Variants in PCDHGB2 observed in about 807,000 individuals in gnomAD.
PCDHGB2 encodes protocadherin gamma-B2.
PCDHGB2 carries 55 observed loss-of-function variants against 59.3 expected under a neutral mutation model. The ratio of observed to expected loss-of-function variants is 0.93; its 90% CI spans 0.75 to 1.16. The LOEUF is 1.16. Among genes scored for constraint, PCDHGB2 ranks in the 50% most tolerant of loss-of-function variants. The pLI, the probability that PCDHGB2 is intolerant of heterozygous loss-of-function variation, is 0.00. For synonymous variants in PCDHGB2, 516 were observed against 512.0 expected, an observed-to-expected ratio of 1.01 and a Z score of -0.11; for missense variants, 1,228 against 1,198.5, an observed-to-expected ratio of 1.02 and a Z score of -0.36.
At chr5:141,404,446 G>A (rs1211285523) in intron 1 of PCDHGB2, 2 of 1,612,974 alleles carry the variant, frequency 1.2e-6, no homozygotes, top group East Asian at 2.2e-5. Context: ...CCATCCAAGG[G>A]TCTCCTCTCT....
intron 1 of PCDHGB2, among the ~76,000 whole-genome samples, chr5:141,492,148 G>C (rs2099737507): frequency 6.6e-6 from 1 of 152,202 alleles, no homozygotes; most frequent in Admixed American, 6.5e-5. Flanking sequence ...TGACTTCACT[G>C]TTACCCTCCC....
At chr5:141,389,806 T>C in intron 1 of PCDHGB2, 3 of 1,613,810 alleles carry the variant, frequency 1.9e-6, no homozygotes, top group Non-Finnish European at 2.5e-6. Flanking sequence ...CAGCGCCTTC[T>C]GGTCGCCGTG....
chr5:141,408,634 A>C, intron 1 of PCDHGB2: 2 of 1,614,040 alleles, frequency 1.2e-6, no homozygotes, highest in South Asian at 2.2e-5. Flanking sequence ...AAATTTTCGA[A>C]TCTGCATCCG....
At chr5:141,414,155 A>G in intron 1 of PCDHGB2, 1 of 1,601,706 alleles carries the variant, frequency 6.2e-7, no homozygotes, top group Non-Finnish European at 8.5e-7. Context: ...CAAGCAGAAG[A>G]TGGAGGAGCA....
chr5:141,394,312 C>G (rs903124736), intron 1 of PCDHGB2: 3 of 1,613,908 alleles, frequency 1.9e-6, no homozygotes, highest in African/African-American at 1.3e-5. Context: ...CAGGGGGCGC[C>G]CCTGTCCTCG....
intron 1 of PCDHGB2, chr5:141,366,250 G>A (rs1476743784): frequency 6.2e-7 from 1 of 1,613,746 alleles, no homozygotes; most frequent in Non-Finnish European, 8.5e-7. Flanking sequence ...CGCTCAAGCA[G>A]AGCCTCGTGG....
In PCDHGB2 at chr5:141,491,552, G is replaced by A. The variant is rs769927075; in HGVS notation, c.2422-3255G>A. 1 of 1,614,008 alleles carries A rather than the reference G, an allele frequency of 6.2e-7. No individual in the cohort carries two copies. The highest frequency in any genetic ancestry group is 1.7e-5 in the Admixed American group (1 of 60,024). On this transcript the variant is annotated intron_variant, in intron 1 of 3. Coordinates refer to ENST00000522605, the MANE Select transcript of PCDHGB2 (RefSeq NM_018923.3). This position sits in a 1 kb window ranked among gnomAD's most constrained non-coding sequence, Gnocchi z 6.9. Reference sequence around the variant, plus strand: ...ACGCTGCGGCCCACAGACTCGCAGAGCCACTGCTACAGGACGTGCTTTTCA... The same window carrying A: ...ACGCTGCGGCCCACAGACTCGCAGAACCACTGCTACAGGACGTGCTTTTCA...
chr5:141,432,209 A>C lies in PCDHGB2; in HGVS notation c.2422-62598A>C, dbSNP rs1473794319. ...CGCCCACGACCCCGACTGTGAAGAGAACGCCCAGATCACTTATTCCCTGGC... is the reference window on the plus strand; with the variant it reads ...CGCCCACGACCCCGACTGTGAAGAGCACGCCCAGATCACTTATTCCCTGGC... On this transcript the variant is annotated intron_variant, in intron 1 of 3. Transcript: ENST00000522605. This position sits in a 1 kb window ranked among gnomAD's most constrained non-coding sequence, Gnocchi z 6.0. 2 of 1,614,098 alleles carry C rather than the reference A, an allele frequency of 1.2e-6. No homozygotes were observed. Among genetic ancestry groups the C allele is most frequent in the Non-Finnish European group, 8.5e-7 (1 of 1,180,032 alleles).
chr5:141,462,811 T>C (rs893444929), intron 1 of PCDHGB2, among the ~76,000 whole-genome samples: 1 of 152,206 alleles, frequency 6.6e-6, no homozygotes, highest in Non-Finnish European at 1.5e-5. Context: ...ATAATGTTTT[T>C]ATTGGACAGC....
At chr5:141,436,778 G>A (rs2097846346) in intron 1 of PCDHGB2, among the ~76,000 whole-genome samples, 1 of 152,154 alleles carries the variant, frequency 6.6e-6, no homozygotes, top group African/African-American at 2.4e-5. Flanking sequence ...ATTTGTGGAT[G>A]GAAATAAAAC....
chr5:141,372,239 G>A lies in PCDHGB2; in HGVS notation c.2421+9683G>A, dbSNP rs771921907. The A allele has an allele frequency of 2.5e-6, 4 of 1,613,314 alleles. No homozygotes were observed. The Admixed American group carries it at 6.7e-5, about 27-fold the overall frequency. ...ACATTGTGCAGGCCAGCGAGCCCGGGCTGTTCAGCCTGGGCCTGCGCACGG... is the reference window on the plus strand; with the variant it reads ...ACATTGTGCAGGCCAGCGAGCCCGGACTGTTCAGCCTGGGCCTGCGCACGG... On this transcript the variant is annotated intron_variant, in intron 1 of 3. Coordinates refer to ENST00000522605, the MANE Select transcript of PCDHGB2 (RefSeq NM_018923.3).
At chr5:141,362,666 G>T in intron 1 of PCDHGB2, 110 bp downstream of exon 1, 1 of 1,321,002 alleles carries the variant, frequency 7.6e-7, no homozygotes, top group South Asian at 1.5e-5. Flanking sequence ...GGCCAATGTT[G>T]TGCCTTAATT....
chr5:141,420,277 A>C, intron 1 of PCDHGB2: 1 of 1,518,166 alleles, frequency 6.6e-7, no homozygotes, highest in Non-Finnish European at 8.9e-7. Flanking sequence ...TTAAACAGGT[A>C]AGTATTTAAA....
At chr5:141,386,956 G>A (rs1561613070) in intron 1 of PCDHGB2, among the ~76,000 whole-genome samples, 1 of 152,208 alleles carries the variant, frequency 6.6e-6, no homozygotes, top group Non-Finnish European at 1.5e-5. Context: ...CTTCAGTGCA[G>A]CAGATCTCAG....
intron 1 of PCDHGB2, among the ~76,000 whole-genome samples, chr5:141,362,956 G>A (rs1040793401): frequency 1.3e-5 from 2 of 152,180 alleles, no homozygotes; most frequent in Middle Eastern, 3.2e-3. Flanking sequence ...TTTGGAAATT[G>A]GGAAACAAAG....
At chr5:141,390,107 C>G (rs778685705) in intron 1 of PCDHGB2, 19 of 1,614,066 alleles carry the variant, frequency 1.2e-5, no homozygotes, top group Non-Finnish European at 1.6e-5. Context: ...CCCCCAACTA[C>G]AGCGAGGGGA....
intron 1 of PCDHGB2, chr5:141,415,272 A>G (rs771588742): frequency 1.3e-5 from 21 of 1,614,208 alleles, no homozygotes; most frequent in African/African-American, 9.3e-5. Context: ...ACCTGGTGGT[A>G]GCGGTGGCCG....
At chr5:141,462,996 G>A (rs2099050826) in intron 1 of PCDHGB2, among the ~76,000 whole-genome samples, 1 of 152,082 alleles carries the variant, frequency 6.6e-6, no homozygotes, top group South Asian at 2.1e-4. Flanking sequence ...GGCTAATTTA[G>A]ACCTACCACT....
chr5:141,415,521 G>T lies in PCDHGB2; in HGVS notation c.2421+52965G>T, dbSNP rs1357538686. 2.5e-6 allele frequency: 4 copies of T among 1,614,070 alleles called. No individual in the cohort carries two copies. The African/African-American group carries it at 5.3e-5, about 22-fold the overall frequency. Reference sequence around the variant, plus strand: ...TCCCCCAGCCCAATTATGCGGACACGCTCATCAGCCAGGAGAGCTGTGAGA... The same window carrying T: ...TCCCCCAGCCCAATTATGCGGACACTCTCATCAGCCAGGAGAGCTGTGAGA... On this transcript the variant is annotated intron_variant, in intron 1 of 3. Coordinates refer to ENST00000522605, the MANE Select transcript of PCDHGB2 (RefSeq NM_018923.3).
Sources: allele counts gnomAD v4.1 joint callset (sites outside exome capture counted in the v4.1 genomes callset), GRCh38; gene constraint gnomAD v4.1.1; non-coding constraint Gnocchi (gnomAD v3.1); transcripts MANE v1.5; gene names NCBI Gene and HGNC (gene_info 2026-07-23, HGNC 2026-07-21).